MYOM1: variants seen among roughly 807,000 people sequenced by gnomAD.
MYOM1 encodes the protein myomesin 1.
In MYOM1, 164 loss-of-function variants were observed where a neutral mutation model predicts 205.3. The ratio of observed to expected loss-of-function variants is 0.80; its 90% CI spans 0.70 to 0.91. MYOM1 has a LOEUF of 0.91. MYOM1 is among the 40% of genes least tolerant of loss of function. The pLI is 0.00. For missense variants in MYOM1, 2,011 were observed against 2,127.3 expected (o/e 0.95, Z 1.08); for synonymous variants, 772 against 789.4 (o/e 0.98, Z 0.37).
chr18:3,150,918 G>A (rs754164835), intron 12 of MYOM1, among the ~76,000 whole-genome samples: 4 of 149,310 alleles, frequency 2.7e-5, no homozygotes, highest in Admixed American at 6.7e-5. Flanking sequence ...GGGCTCTAGC[G>A]ATCCTCCCAC....
At chr18:3,071,805 G>A (rs764033190) in intron 37 of MYOM1, 29 bp downstream of exon 37, 5 of 1,582,182 alleles carry the variant, frequency 3.2e-6, no homozygotes, top group Non-Finnish European at 4.3e-6. Context: ...AGTGCAGAAG[G>A]AGCAGGCACA....
At chr18:3,237,199 AC>A in the MYOM1 span, among the ~76,000 whole-genome samples, 1 of 152,244 alleles carries the variant, frequency 6.6e-6, no homozygotes, top group Non-Finnish European at 1.5e-5. Flanking sequence ...TCATAGCAGC[AC>A]TACTCACAAT....
At chr18:3,133,881 G>C (rs540810354) in intron 16 of MYOM1, among the ~76,000 whole-genome samples, 1 of 152,112 alleles carries the variant, frequency 6.6e-6, no homozygotes, top group South Asian at 2.1e-4. Context: ...TTTGTTTTTT[G>C]AGACAGGGTC....
chr18:3,197,561 A>C (rs1180853771), intron 2 of MYOM1, among the ~76,000 whole-genome samples: 1 of 152,032 alleles, frequency 6.6e-6, no homozygotes, highest in Non-Finnish European at 1.5e-5. Flanking sequence ...TAAAGACCAC[A>C]CTTGATTTTT....
At chr18:3,132,118 G>A (rs866721907) in intron 16 of MYOM1, among the ~76,000 whole-genome samples, 16 of 143,446 alleles carry the variant, frequency 1.1e-4, no homozygotes, top group South Asian at 4.3e-4. Flanking sequence ...ATATGTGTGT[G>A]TATATATATA....
intron 12 of MYOM1, among the ~76,000 whole-genome samples, chr18:3,149,616 T>C (rs546564686): frequency 1.2e-4 from 18 of 152,208 alleles, no homozygotes; most frequent in Non-Finnish European, 2.5e-4. Flanking sequence ...CATAATAAGA[T>C]GAAAGAGGAG....
At chr18:3,133,109 C>T (rs893992382) in intron 16 of MYOM1, among the ~76,000 whole-genome samples, 1 of 152,096 alleles carries the variant, frequency 6.6e-6, no homozygotes, top group Admixed American at 6.6e-5. Context: ...TCTAGCAGCT[C>T]CTGCCTACGC....
intron 37 of MYOM1, 60 bp downstream of exon 37, chr18:3,071,774 G>C (rs1280841897): frequency 6.6e-7 from 1 of 1,517,048 alleles, no homozygotes; most frequent in East Asian, 2.4e-5. Flanking sequence ...AACAAAATCT[G>C]GGGTGCTGGA....
chr18:3,084,236 T>C (rs2079123823), intron 31 of MYOM1, among the ~76,000 whole-genome samples: 1 of 152,236 alleles, frequency 6.6e-6, no homozygotes, highest in South Asian at 2.1e-4. Context: ...TTTGATTTTT[T>C]TTCCCTTGAA....
At chr18:3,095,923 A>C (rs1489376142) in intron 25 of MYOM1, among the ~76,000 whole-genome samples, 2 of 152,158 alleles carry the variant, frequency 1.3e-5, no homozygotes, top group Non-Finnish European at 2.9e-5. Flanking sequence ...AGAAAGCACA[A>C]TTTCTTCTAA....
At chr18:3,234,764 C>T in the MYOM1 span, among the ~76,000 whole-genome samples, 1 of 152,082 alleles carries the variant, frequency 6.6e-6, no homozygotes, top group East Asian at 1.9e-4. Context: ...TTACCATTTC[C>T]CTTTTACCCT....
Position 3,067,252 on chromosome 18 carries a change from G to A in MYOM1, c.*10C>T, listed in dbSNP as rs876657915. 161 of 1,580,440 alleles carry A rather than the reference G, an allele frequency of 1.0e-4. No individual in the cohort carries two copies. The highest frequency in any genetic ancestry group is 1.3e-4 in the Non-Finnish European group (154 of 1,163,272). On this transcript the variant is annotated 3_prime_UTR_variant, in exon 38 of 38. Transcript: ENST00000356443. ...TCACACAGGCCGGCTGGCTCTCCTC[G>A]CACCTCCGGTCACTTGGCCTTCTTG... is the stretch of plus-strand genomic sequence containing the variant.
At chr18:3,203,550 T>C (rs1323370822) in intron 2 of MYOM1, among the ~76,000 whole-genome samples, 2 of 151,796 alleles carry the variant, frequency 1.3e-5, no homozygotes, top group Admixed American at 6.6e-5. Flanking sequence ...AAAATTCCTA[T>C]AAAGACTCAA....
chr18:3,221,987 C>T (rs1429221252), upstream of MYOM1, among the ~76,000 whole-genome samples: 3 of 152,168 alleles, frequency 2.0e-5, no homozygotes, highest in Non-Finnish European at 2.9e-5. Context: ...CTCTAGAGAA[C>T]ATTGGTCAAT....
chr18:3,179,960 G>C lies in MYOM1; in HGVS notation c.930-3826C>G, dbSNP rs145417547. ...ACTCAGTGACACTCAATTCGGCTTC[G>C]GATCAAAAGTATTGCTCATATCTCT... On this transcript the variant is annotated intron_variant, in intron 5 of 37. Transcript: ENST00000356443. This position sits in a 1 kb window ranked among gnomAD's most constrained non-coding sequence, Gnocchi z 4.4. Among the ~76,000 whole-genome samples, 1 of 151,942 alleles carries C rather than the reference G, an allele frequency of 6.6e-6. No homozygotes were observed. The highest frequency in any genetic ancestry group is 1.9e-4 in the East Asian group (1 of 5,192).
chr18:3,079,489 A>T, intron 33 of MYOM1, 147 bp from the exon 34 acceptor site: 1 of 884,202 alleles, frequency 1.1e-6, no homozygotes, highest in South Asian at 2.1e-5. Context: ...GCTTCAGAAA[A>T]ATTATGGGCC....
chr18:3,154,262 A>T (rs796428656), intron 11 of MYOM1, among the ~76,000 whole-genome samples: 39 of 152,180 alleles, frequency 2.6e-4, no homozygotes, highest in Middle Eastern at 6.8e-3. Context: ...AGCCAAATTT[A>T]AAAAAATTCA....
At chr18:3,176,302 C>T (rs2080640268) in intron 5 of MYOM1, among the ~76,000 whole-genome samples, 168 bp from the exon 6 acceptor site, 1 of 152,068 alleles carries the variant, frequency 6.6e-6, no homozygotes, top group Non-Finnish European at 1.5e-5. Flanking sequence ...TGAAGTGCAC[C>T]AGCAATACAT....
At chr18:3,205,040 G>A (rs1318369733) in intron 2 of MYOM1, among the ~76,000 whole-genome samples, 1 of 152,054 alleles carries the variant, frequency 6.6e-6, no homozygotes, top group Non-Finnish European at 1.5e-5. Flanking sequence ...CGAATTTAGA[G>A]CTTTACTCAA....
Sources: gnomAD v4.1 joint callset for allele counts (sites outside exome capture counted in the v4.1 genomes callset) on GRCh38, gnomAD v4.1.1 for gene constraint, Gnocchi (gnomAD v3.1) non-coding constraint, MANE v1.5 for transcripts, NCBI Gene and HGNC (gene_info 2026-07-23, HGNC 2026-07-21) for gene names.